Variants in DDC observed in about 807,000 individuals in gnomAD.
DDC encodes aromatic-L-amino-acid decarboxylase.
A neutral mutation model predicts 60.0 loss-of-function variants in DDC; 43 were observed. That is an observed-to-expected ratio of 0.72 (90% confidence interval 0.56 to 0.92). DDC has a LOEUF of 0.92. Among genes scored for constraint, DDC ranks in the 40% least tolerant of loss-of-function variants. The pLI is 0.00. For synonymous variants in DDC, 232 were observed against 234.6 expected (o/e 0.99, Z 0.10); for missense variants, 573 against 620.2 (o/e 0.92, Z 0.81).
At chr7:50,502,690 A>G (rs1423961606) in intron 7 of DDC, among the ~76,000 whole-genome samples, 3 of 152,182 alleles carry the variant, frequency 2.0e-5, no homozygotes, top group Admixed American at 6.5e-5. Context: ...ACCCTGTGAG[A>G]GCGGGTAAGT....
chr7:50,484,823 GT>G, intron 9 of DDC, among the ~76,000 whole-genome samples: 1 of 152,206 alleles, frequency 6.6e-6, no homozygotes, highest in South Asian at 2.1e-4. Context: ...GGCTCCTTAC[GT>G]TTTCTTTTTT....
At chr7:50,506,178 A>T (rs2043390113) in intron 6 of DDC, among the ~76,000 whole-genome samples, 1 of 152,150 alleles carries the variant, frequency 6.6e-6, no homozygotes, top group Non-Finnish European at 1.5e-5. Flanking sequence ...GGCTGTCCCT[A>T]GATGTCTGGT....
chr7:50,537,064 A>G (rs1049069266), intron 4 of DDC, among the ~76,000 whole-genome samples: 5 of 146,936 alleles, frequency 3.4e-5, no homozygotes, highest in African/African-American at 1.3e-4. Flanking sequence ...TTAATGCATC[A>G]AGTCCAAGTC....
chr7:50,499,198 C>T lies in DDC; in HGVS notation c.826G>A (p.Gly276Ser), dbSNP rs2043193191. ...AACTCAGGGCAGATGAATGCACTGC[C>T]TGCGTAGGCTGCATCAACGTGCAGC... The part of the protein sequence containing the change: ...IWLHVDAAYA[G>S]SAFICPEFRH... Residue 276 changes from glycine to serine, a missense_variant, in exon 8 of 15, where the codon GGC (glycine) becomes AGC (serine). Gly to Ser is a moderately conservative substitution (Grantham distance 56, BLOSUM62 0). Coordinates refer to ENST00000444124, the MANE Select transcript of DDC (RefSeq NM_001082971.2). The T allele has an allele frequency of 6.2e-7, 1 of 1,613,972 alleles. No homozygotes were observed. The highest frequency in any genetic ancestry group is 8.5e-7 in the Non-Finnish European group (1 of 1,179,994).
At chr7:50,505,315 T>C (rs2153540837) in intron 6 of DDC, among the ~76,000 whole-genome samples, 1 of 152,356 alleles carries the variant, frequency 6.6e-6, no homozygotes, top group Non-Finnish European at 1.5e-5. Context: ...AAACGCACAT[T>C]ATGTTTACAA....
chr7:50,553,007 T>C (rs73342839), intron 1 of DDC, among the ~76,000 whole-genome samples: 9,549 of 152,220 alleles, frequency 0.063, 528 homozygotes, highest in African/African-American at 0.15. Flanking sequence ...TCCTGCAGTC[T>C]GGGCACTGCA....
chr7:50,550,353 T>C (rs972478211), intron 1 of DDC, among the ~76,000 whole-genome samples: 1 of 152,206 alleles, frequency 6.6e-6, no homozygotes, highest in African/African-American at 2.4e-5. Flanking sequence ...GCACACTTAA[T>C]AGACTACAGT....
intron 6 of DDC, among the ~76,000 whole-genome samples, chr7:50,510,980 CAAAAAA>C (rs11309882): frequency 3.3e-5 from 2 of 60,920 alleles, no homozygotes; most frequent in African/African-American, 1.4e-4. Flanking sequence ...GACTCTGTCT[CAAAAAA>C]AAAAAAAAAA....
chr7:50,504,117 C>G (rs990274760), intron 6 of DDC, 58 bp from the exon 7 acceptor site: 36 of 1,268,432 alleles, frequency 2.8e-5, no homozygotes, highest in Non-Finnish European at 3.9e-5. Context: ...CCGCTGTAAC[C>G]TCCACACAAG....
intron 5 of DDC, 83 bp from the exon 6 acceptor site, chr7:50,528,363 A>G (rs1231059107): frequency 1.9e-6 from 3 of 1,554,922 alleles, no homozygotes; most frequent in Non-Finnish European, 2.7e-6. Flanking sequence ...GAGAGCAGCC[A>G]ACATTGCAAA....
chr7:50,504,118 T>G (rs1233769798), intron 6 of DDC, 59 bp from the exon 7 acceptor site: 14 of 1,239,660 alleles, frequency 1.1e-5, no homozygotes, highest in East Asian at 2.3e-5. Flanking sequence ...CGCTGTAACC[T>G]CCACACAAGC....
At chr7:50,523,779 G>A (rs1439374987) in intron 6 of DDC, among the ~76,000 whole-genome samples, 1 of 152,120 alleles carries the variant, frequency 6.6e-6, no homozygotes, top group East Asian at 1.9e-4. Flanking sequence ...AAAACTTTAA[G>A]CACACTCTTA....
Position 50,529,247 on chromosome 7 carries a change from G to A in DDC, c.531C>T (p.Ala177=), listed in dbSNP as rs548757623. The A allele has an allele frequency of 1.1e-5, 18 of 1,613,854 alleles. No individual in the cohort carries two copies. In the East Asian group the frequency reaches 3.1e-4, roughly 28 times the overall value. ...LQAASPELTQ[A]AIMEKLVAYS... Reference sequence around the variant, plus strand: ...AAGCCACCAGCTTCTCCATGATAGCGGCCTGTGTGAGCTCTGGGGACGCTG... The same window carrying A: ...AAGCCACCAGCTTCTCCATGATAGCAGCCTGTGTGAGCTCTGGGGACGCTG... Residue 177 remains alanine, a synonymous_variant, in exon 5 of 15, where the codon GCC becomes GCT. Transcript: ENST00000444124.
intron 6 of DDC, among the ~76,000 whole-genome samples, chr7:50,512,430 G>T (rs199854812): frequency 2.6e-5 from 4 of 152,112 alleles, no homozygotes; most frequent in African/African-American, 9.7e-5. Flanking sequence ...GAAACTCTGG[G>T]GTCTATTGAA....
intron 5 of DDC, 70 bp downstream of exon 5, chr7:50,529,138 G>A (rs2153545906): frequency 1.3e-6 from 2 of 1,597,682 alleles, no homozygotes; most frequent in East Asian, 2.2e-5. Flanking sequence ...GTTTGGTTTG[G>A]TTTGAATTTG....
intron 6 of DDC, among the ~76,000 whole-genome samples, chr7:50,524,127 C>G (rs1196758060): frequency 6.6e-6 from 1 of 152,070 alleles, no homozygotes; most frequent in Non-Finnish European, 1.5e-5. Context: ...TGGAGACAGC[C>G]AAAAAGATTA....
intron 14 of DDC, 84 bp downstream of exon 14, chr7:50,463,129 G>C: frequency 9.1e-7 from 1 of 1,095,752 alleles, no homozygotes; most frequent in African/African-American, 1.6e-5. Context: ...GCCGGGCTGG[G>C]CCTGTAGCTG....
intron 4 of DDC, among the ~76,000 whole-genome samples, chr7:50,537,253 T>C (rs1400525000): frequency 6.6e-6 from 1 of 152,208 alleles, no homozygotes; most frequent in Non-Finnish European, 1.5e-5. Context: ...AAGTAAATGA[T>C]TGGTTCAAAG....
intron 6 of DDC, among the ~76,000 whole-genome samples, chr7:50,509,625 A>G (rs2153541638): frequency 6.6e-6 from 1 of 152,348 alleles, no homozygotes; most frequent in African/African-American, 2.4e-5. Context: ...TAAACTCCTA[A>G]GAAAATCGTA....
Sources: allele counts gnomAD v4.1 joint callset (sites outside exome capture counted in the v4.1 genomes callset), GRCh38; gene constraint gnomAD v4.1.1; transcripts MANE v1.5; gene names NCBI Gene and HGNC (gene_info 2026-07-23, HGNC 2026-07-21).